The following KDM4C variants were observed in gnomAD, a reference collection of about 807,000 sequenced individuals.
KDM4C encodes the protein lysine demethylase 4C, also known as lysine-specific demethylase 4C.
KDM4C carries 81 observed loss-of-function variants against 129.3 expected under a neutral mutation model. The observed-to-expected ratio is 0.63, with a 90% confidence interval of 0.52 to 0.75. The LOEUF (loss-of-function observed/expected upper bound fraction) is 0.75. Among genes scored for constraint, KDM4C ranks in the 30% least tolerant of loss-of-function variants. The pLI is 0.00. For synonymous variants in KDM4C, 573 were observed against 456.1 expected, an observed-to-expected ratio of 1.26 and a Z score of -3.26; for missense variants, 1,457 against 1,304.0, an observed-to-expected ratio of 1.12 and a Z score of -1.81.
chr9:6,986,621 C>A lies in KDM4C; in HGVS notation c.1632C>A (p.Ile544=). ...GGAATGGCCTTGAACCTGGGGAAAT[C>A]CCAGCGGTCCCCAGTGGAGAGAGAA... ...SHGNGLEPGE[I]PAVPSGERNS... is the part of the protein sequence containing the mutation. Residue 544 remains isoleucine (I), a synonymous_variant, in exon 11 of 22, where the codon ATC becomes ATA. Transcript: ENST00000381309. The A allele has an allele frequency of 6.2e-7, 1 of 1,613,634 alleles. No homozygotes were observed. The highest frequency in any genetic ancestry group is 8.5e-7 in the Non-Finnish European group (1 of 1,179,616).
chr9:6,925,398 CT>C (rs1822289651), intron 8 of KDM4C: 1 of 980,318 alleles, frequency 1.0e-6, no homozygotes, highest in Admixed American at 6.2e-5. Context: ...AGCTTTTTTT[CT>C]TTCCTTCCCT....
chr9:6,820,518 A>T (rs974284102), intron 4 of KDM4C, among the ~76,000 whole-genome samples: 1 of 152,078 alleles, frequency 6.6e-6, no homozygotes, highest in Non-Finnish European at 1.5e-5. Context: ...CAGAGTCTGA[A>T]TTTTGTCTCT....
intron 15 of KDM4C, among the ~76,000 whole-genome samples, chr9:7,016,673 G>T (rs1214735163): frequency 6.6e-6 from 1 of 151,850 alleles, no homozygotes; most frequent in Admixed American, 6.6e-5. Context: ...TGATCCACCT[G>T]CCTCGGCCTC....
At chr9:7,170,186 A>T in intron 21 of KDM4C, 4 of 1,253,864 alleles carry the variant, frequency 3.2e-6, no homozygotes, top group Non-Finnish European at 4.1e-6. Context: ...GTAAAACACC[A>T]GGAGCAAACA....
intron 18 of KDM4C, among the ~76,000 whole-genome samples, chr9:7,108,908 AAAT>A (rs1167063989): frequency 1.3e-5 from 2 of 152,212 alleles, no homozygotes; most frequent in Non-Finnish European, 2.9e-5. Context: ...TTAATGAAAA[AAAT>A]AAGAATCAGT....
intron 4 of KDM4C, among the ~76,000 whole-genome samples, chr9:6,817,368 AT>A (rs898619364): frequency 6.6e-6 from 1 of 151,784 alleles, no homozygotes; most frequent in African/African-American, 2.4e-5. Flanking sequence ...TGCCTAGCTA[AT>A]TTTTAAAATG....
chr9:6,746,879 A>C (rs901775313), intron 1 of KDM4C, among the ~76,000 whole-genome samples: 1 of 150,536 alleles, frequency 6.6e-6, no homozygotes, highest in Non-Finnish European at 1.5e-5. Flanking sequence ...GGTGGCGGGC[A>C]CCTGTAGTCC....
At chr9:7,012,665 T>C (rs1252384783) in intron 13 of KDM4C, among the ~76,000 whole-genome samples, 1 of 152,158 alleles carries the variant, frequency 6.6e-6, no homozygotes, top group African/African-American at 2.4e-5. Context: ...CGTCATTCCA[T>C]AGATATTATA....
chr9:6,780,082 A>T (rs1823989841), intron 1 of KDM4C, among the ~76,000 whole-genome samples: 1 of 152,110 alleles, frequency 6.6e-6, no homozygotes, highest in Admixed American at 6.6e-5. Context: ...CATTCTCTCT[A>T]AAGAACACCA....
Position 6,758,875 on chromosome 9 carries a change from G to A in KDM4C, c.-18+672G>A, listed in dbSNP as rs1818822715. Among the ~76,000 whole-genome samples, 2 of 152,230 alleles carry A rather than the reference G, an allele frequency of 1.3e-5. No homozygotes were observed. The highest frequency in any genetic ancestry group is 4.1e-4 in the South Asian group (2 of 4,830). On this transcript the variant is annotated intron_variant, in intron 1 of 21. Coordinates refer to ENST00000381309, the MANE Select transcript of KDM4C (RefSeq NM_015061.6). The surrounding 1 kb of genome is among the most constrained non-coding windows in gnomAD (Gnocchi z 4.6). ...GAACGTGGCGTGGAGTGGGGACGTG[G>A]AGGAGGGAGCCAGACAGGCCGGGGC...
rs61133083 is a variant in KDM4C, at chr9:7,024,289, GT to G, written c.2259+8372del. Among the ~76,000 whole-genome samples the G allele has an allele frequency of 5.6e-3, 747 of 132,404 alleles. 5 individuals carry two copies. Among genetic ancestry groups the G allele is most frequent in the African/African-American group, 0.019 (690 of 35,704 alleles). The allele number at this position is 132,404 out of a possible 152,430, so 86.9% of individuals were successfully genotyped here. The stretch of plus-strand genomic sequence containing the variant: ...CTCTCTTTTTATCTCTAATGTTTTC[GT>G]TTTTTTTTTTTAATTTTCTTTTCAA... On this transcript the variant is annotated intron_variant, in intron 15 of 21. Transcript: ENST00000381309.
chr9:7,067,314 A>G (rs1370863115), intron 17 of KDM4C, among the ~76,000 whole-genome samples: 1 of 152,262 alleles, frequency 6.6e-6, no homozygotes, highest in Non-Finnish European at 1.5e-5. Flanking sequence ...CATAACCACA[A>G]CGTACGTTCT....
intron 1 of KDM4C, chr9:6,724,122 G>A (rs996222599): frequency 6.6e-6 from 1 of 152,168 alleles, no homozygotes; most frequent in Admixed American, 6.5e-5. Context: ...AGAAAGAGGA[G>A]TGCTTAAGGA....
chr9:6,735,441 T>C (rs192056250), intron 1 of KDM4C, among the ~76,000 whole-genome samples: 1 of 152,342 alleles, frequency 6.6e-6, no homozygotes, highest in African/African-American at 2.4e-5. Flanking sequence ...TCTTGAATTG[T>C]AACTCCCATA....
intron 6 of KDM4C, among the ~76,000 whole-genome samples, chr9:6,881,282 T>G (rs1844406056): frequency 6.6e-6 from 1 of 152,214 alleles, no homozygotes; most frequent in Admixed American, 6.5e-5. Context: ...ATTATAATTT[T>G]GTCAGGCTAA....
chr9:6,830,381 C>T (rs1325552205), intron 4 of KDM4C, among the ~76,000 whole-genome samples: 2 of 152,158 alleles, frequency 1.3e-5, no homozygotes, highest in Admixed American at 6.5e-5. Context: ...CTGCTTCCCA[C>T]ACCCCAGCAT....
At chr9:7,154,569 G>C (rs1399277942) in intron 19 of KDM4C, among the ~76,000 whole-genome samples, 2 of 152,192 alleles carry the variant, frequency 1.3e-5, no homozygotes, top group East Asian at 3.9e-4. Flanking sequence ...TCAGAATTCA[G>C]GTAATCAGAC....
At chr9:7,116,509 C>T (rs1203526314) in intron 18 of KDM4C, among the ~76,000 whole-genome samples, 1 of 152,120 alleles carries the variant, frequency 6.6e-6, no homozygotes, top group African/African-American at 2.4e-5. Flanking sequence ...AGTTCTTTCC[C>T]ATCCTGCCCC....
At chr9:6,746,097 C>T (rs941500762) in intron 1 of KDM4C, among the ~76,000 whole-genome samples, 18 of 151,594 alleles carry the variant, frequency 1.2e-4, no homozygotes, top group African/African-American at 3.9e-4. Context: ...TGAGCCACCG[C>T]GCCCAGCATA....
Sources: allele counts gnomAD v4.1 joint callset (sites outside exome capture counted in the v4.1 genomes callset), GRCh38; gene constraint gnomAD v4.1.1; non-coding constraint Gnocchi (gnomAD v3.1); transcripts MANE v1.5; gene names NCBI Gene and HGNC (gene_info 2026-07-23, HGNC 2026-07-21).